Variants in CPS1 observed in about 807,000 individuals in gnomAD.
CPS1 encodes carbamoyl-phosphate synthase [ammonia], mitochondrial.
CPS1 carries 109 observed loss-of-function variants against 174.6 expected under a neutral mutation model. The ratio of observed to expected loss-of-function variants is 0.62; its 90% CI spans 0.53 to 0.73. CPS1 has a LOEUF of 0.73. Ranked by LOEUF, CPS1 falls within the 30% of genes least tolerant of loss-of-function variation. The pLI, the probability that CPS1 is intolerant of heterozygous loss-of-function variation, is 0.00. For synonymous variants in CPS1, 637 were observed against 632.0 expected, an observed-to-expected ratio of 1.01 and a Z score of -0.12; for missense variants, 1,689 against 1,821.9, an observed-to-expected ratio of 0.93 and a Z score of 1.33.
chr2:210,502,030 G>T (rs1178113686), intron 1 of CPS1, among the ~76,000 whole-genome samples: 1 of 152,072 alleles, frequency 6.6e-6, no homozygotes, highest in Non-Finnish European at 1.5e-5. Flanking sequence ...TCCTCACAGG[G>T]TGGCAGGAGA....
At position 210,674,955 on chromosome 2, in the gene CPS1, T is replaced by C. The variant is rs1200099747; in HGVS notation, c.4155T>C (p.Gly1385=). ...TGGCTGAACAATTACACAATGAAGG[T>C]TTCAAGGTATGTTCATTAGTTTTAA... ...LGVAEQLHNE[G]FKLFATEATS... Residue 1385 remains glycine, a synonymous_variant, in exon 35 of 38, where the codon GGT becomes GGC. Coordinates refer to ENST00000233072, the MANE Select transcript of CPS1 (RefSeq NM_001875.5). 5.6e-6 allele frequency: 9 copies of C among 1,611,540 alleles called. No individual in the cohort carries two copies. The highest frequency in any genetic ancestry group is 2.2e-5 in the East Asian group (1 of 44,840).
intron 1 of CPS1, among the ~76,000 whole-genome samples, chr2:210,497,508 T>C (rs1241059920): frequency 5.9e-5 from 9 of 152,090 alleles, no homozygotes; most frequent in Admixed American, 1.3e-4. Flanking sequence ...ATACTAAGCA[T>C]AGTACCCAAC....
chr2:210,523,939 G>A (rs1695901840), intron 1 of CPS1, among the ~76,000 whole-genome samples: 1 of 151,986 alleles, frequency 6.6e-6, no homozygotes, highest in South Asian at 2.1e-4. Context: ...TCAAGGGCTA[G>A]CCATATAGAT....
chr2:210,669,674 C>G (rs1354755616), intron 34 of CPS1, among the ~76,000 whole-genome samples: 1 of 152,094 alleles, frequency 6.6e-6, no homozygotes, highest in Non-Finnish European at 1.5e-5. Flanking sequence ...AGATGACTTG[C>G]AATTGTGAAG....
intron 1 of CPS1, among the ~76,000 whole-genome samples, chr2:210,546,332 G>A (rs535049785): frequency 9.9e-5 from 15 of 152,170 alleles, no homozygotes; most frequent in Admixed American, 4.6e-4. Flanking sequence ...ATCACACAAC[G>A]TGAATGAAGC....
chr2:210,541,638 A>G (rs1297175686), intron 1 of CPS1, among the ~76,000 whole-genome samples: 6 of 152,162 alleles, frequency 3.9e-5, no homozygotes, highest in Admixed American at 6.6e-5. Flanking sequence ...ATTAAGCCCT[A>G]AAAAACAAAG....
intron 24 of CPS1, among the ~76,000 whole-genome samples, chr2:210,641,194 T>A (rs536339193): frequency 6.6e-6 from 1 of 152,298 alleles, no homozygotes; most frequent in African/African-American, 2.4e-5. Context: ...TGATCATGGC[T>A]CACTGTAGCC....
At chr2:210,597,010 G>A (rs1698505404) in intron 13 of CPS1, among the ~76,000 whole-genome samples, 1 of 151,784 alleles carries the variant, frequency 6.6e-6, no homozygotes, top group South Asian at 2.1e-4. Flanking sequence ...ATTGCAATAA[G>A]GTTTAAAATA....
intron 1 of CPS1, among the ~76,000 whole-genome samples, chr2:210,547,391 T>A (rs901466612): frequency 6.6e-6 from 1 of 152,150 alleles, no homozygotes; most frequent in Non-Finnish European, 1.5e-5. Flanking sequence ...AAGTTTATTT[T>A]CATATTTGAG....
chr2:210,492,315 C>T (rs929658199), intron 1 of CPS1, among the ~76,000 whole-genome samples: 15 of 152,318 alleles, frequency 9.8e-5, no homozygotes, highest in East Asian at 1.9e-4. Context: ...TAATTGCTAT[C>T]GTCCTCTAGC....
chr2:210,635,228 C>T (rs1700007943), intron 21 of CPS1, among the ~76,000 whole-genome samples: 1 of 152,174 alleles, frequency 6.6e-6, no homozygotes, highest in Admixed American at 6.5e-5. Flanking sequence ...CAGGTGTGAG[C>T]CACCACACCC....
At chr2:210,548,781 A>G (rs1696630978) in intron 1 of CPS1, among the ~76,000 whole-genome samples, 1 of 152,170 alleles carries the variant, frequency 6.6e-6, no homozygotes, top group South Asian at 2.1e-4. Context: ...CTCAACTTAC[A>G]AATCTACAAA....
At chr2:210,544,474 T>A (rs553842367) in intron 1 of CPS1, among the ~76,000 whole-genome samples, 2 of 152,244 alleles carry the variant, frequency 1.3e-5, no homozygotes, top group Non-Finnish European at 2.9e-5. Context: ...TGTACAAACA[T>A]GTAGCTGTTT....
chr2:210,493,770 C>G (rs949373147), intron 1 of CPS1, among the ~76,000 whole-genome samples: 3 of 152,176 alleles, frequency 2.0e-5, no homozygotes, highest in Admixed American at 6.5e-5. Flanking sequence ...TTTACCTTTC[C>G]TGGCAGTAAC....
chr2:210,583,235 T>C (rs1697988939), intron 6 of CPS1, among the ~76,000 whole-genome samples: 1 of 152,170 alleles, frequency 6.6e-6, no homozygotes, highest in South Asian at 2.1e-4. Context: ...GAAATATCTT[T>C]AGTATACATT....
chr2:210,502,808 T>A (rs1035905504), intron 1 of CPS1, among the ~76,000 whole-genome samples: 3 of 152,134 alleles, frequency 2.0e-5, no homozygotes, highest in African/African-American at 7.2e-5. Flanking sequence ...GTTCTCCCAG[T>A]AATGCAACAA....
At chr2:210,494,519 T>G (rs551505780) in intron 1 of CPS1, among the ~76,000 whole-genome samples, 1 of 152,210 alleles carries the variant, frequency 6.6e-6, no homozygotes, top group Non-Finnish European at 1.5e-5. Context: ...AAGATTTCTC[T>G]ACATAGACCC....
chr2:210,511,136 G>A (rs1338233712), intron 1 of CPS1, among the ~76,000 whole-genome samples: 2 of 152,094 alleles, frequency 1.3e-5, no homozygotes, highest in African/African-American at 2.4e-5. Context: ...CAACCCAAAT[G>A]TCCAACAATG....
chr2:210,624,755 T>C (rs1699645068), intron 21 of CPS1, among the ~76,000 whole-genome samples: 6 of 152,048 alleles, frequency 3.9e-5, no homozygotes, highest in African/African-American at 1.2e-4. Flanking sequence ...TTTTTGAATT[T>C]GTGAGAGAGT....
Sources: allele counts gnomAD v4.1 joint callset (sites outside exome capture counted in the v4.1 genomes callset), GRCh38; gene constraint gnomAD v4.1.1; transcripts MANE v1.5; gene names NCBI Gene and HGNC (gene_info 2026-07-23, HGNC 2026-07-21).